Variants in SHANK2 observed in about 807,000 individuals in gnomAD.
The protein encoded by SHANK2 is SH3 and multiple ankyrin repeat domains 2.
A neutral mutation model predicts 133.7 loss-of-function variants in SHANK2; 43 were observed. The ratio of observed to expected loss-of-function variants is 0.32; its 90% CI spans 0.25 to 0.41. The LOEUF is 0.41. SHANK2 is among the 10% of genes least tolerant of loss of function. The pLI, the probability that SHANK2 is intolerant of heterozygous loss-of-function variation, is 1.00. For missense variants in SHANK2, 1,994 were observed against 2,235.8 expected (o/e 0.89, Z 2.18); for synonymous variants, 1,017 against 952.8 (o/e 1.07, Z -1.24).
intron 17 of SHANK2, among the ~76,000 whole-genome samples, chr11:70,605,294 G>A (rs1307861539): frequency 2.0e-5 from 3 of 152,256 alleles, no homozygotes; most frequent in Non-Finnish European, 4.4e-5. Context: ...AGAGTGAGAA[G>A]TGAAGCCTCC....
intron 14 of SHANK2, among the ~76,000 whole-genome samples, chr11:70,701,483 G>A (rs1039106847): frequency 1.3e-5 from 2 of 152,212 alleles, no homozygotes; most frequent in Admixed American, 6.5e-5. Flanking sequence ...CTCACTGTAA[G>A]CTCTGCCTTC....
intron 17 of SHANK2, among the ~76,000 whole-genome samples, chr11:70,599,949 AAGAAAGAAAGAAAGAAAGAAAG>A (rs797030856): frequency 4.7e-4 from 62 of 131,978 alleles, no homozygotes; most frequent in African/African-American, 8.7e-4. Context: ...GAAAGAAAGA[AAGAAAGAAAGAAAGAAAGAAAG>A]AAAATGTATC....
At chr11:70,499,582 C>T (rs187148922) in intron 21 of SHANK2, among the ~76,000 whole-genome samples, 88 of 152,340 alleles carry the variant, frequency 5.8e-4, no homozygotes, top group African/African-American at 1.9e-3. Context: ...GGGCCATTCC[C>T]GTGAGCTGGG....
At chr11:70,880,380 T>C (rs1949641206) in intron 11 of SHANK2, among the ~76,000 whole-genome samples, 1 of 151,888 alleles carries the variant, frequency 6.6e-6, no homozygotes, top group Non-Finnish European at 1.5e-5. Context: ...GTTGGGGAGA[T>C]GGATGGAGGT....
At chr11:70,622,107 G>T (rs1554998083) in intron 17 of SHANK2, among the ~76,000 whole-genome samples, 1 of 152,174 alleles carries the variant, frequency 6.6e-6, no homozygotes, top group Non-Finnish European at 1.5e-5. Context: ...CACTAGTGGG[G>T]TGGGTGAGCC....
At chr11:71,080,061 C>T in intron 8 of SHANK2, among the ~76,000 whole-genome samples, 1 of 152,156 alleles carries the variant, frequency 6.6e-6, no homozygotes, top group Non-Finnish European at 1.5e-5. Context: ...CAACACTAAC[C>T]TCCTTTTCTT....
At chr11:70,805,450 G>C (rs1555051614) in intron 13 of SHANK2, among the ~76,000 whole-genome samples, 1 of 152,208 alleles carries the variant, frequency 6.6e-6, no homozygotes, top group Non-Finnish European at 1.5e-5. Flanking sequence ...AACAAGGCCG[G>C]CATCGGCCCT....
intron 14 of SHANK2, 49 bp from the exon 15 acceptor site, chr11:70,698,812 G>A (rs782215808): frequency 1.3e-5 from 9 of 718,048 alleles, no homozygotes; most frequent in African/African-American, 3.5e-5. Context: ...CATGGTCCCC[G>A]AACGCGGAAC....
intron 17 of SHANK2, among the ~76,000 whole-genome samples, chr11:70,646,548 G>T (rs2061263885): frequency 2.0e-5 from 3 of 152,238 alleles, no homozygotes; most frequent in Admixed American, 2.0e-4. Context: ...CTATGGAGAA[G>T]CATGGGACCT....
chr11:70,826,949 C>T (rs79597341), intron 11 of SHANK2, among the ~76,000 whole-genome samples: 1 of 152,240 alleles, frequency 6.6e-6, no homozygotes, highest in Non-Finnish European at 1.5e-5. Context: ...GCGCTCCATG[C>T]GCCTGTGCCT....
At chr11:71,114,842 G>A (rs1036041183) in intron 4 of SHANK2, among the ~76,000 whole-genome samples, 1 of 152,048 alleles carries the variant, frequency 6.6e-6, no homozygotes, top group South Asian at 2.1e-4. Context: ...AAAGTCTCAG[G>A]GAATTCAATT....
intron 17 of SHANK2, among the ~76,000 whole-genome samples, chr11:70,656,771 C>G (rs189186147): frequency 2.6e-5 from 4 of 152,294 alleles, no homozygotes; most frequent in Non-Finnish European, 5.9e-5. Flanking sequence ...ATGAGACTCC[C>G]GATCTGGAGA....
chr11:70,895,128 G>A (rs1555075408), intron 11 of SHANK2, among the ~76,000 whole-genome samples: 1 of 152,236 alleles, frequency 6.6e-6, no homozygotes, highest in East Asian at 1.9e-4. Context: ...GTCAGGCGCA[G>A]CCTTTGGGAG....
At chr11:71,142,856 G>A (rs1362352372) in intron 3 of SHANK2, among the ~76,000 whole-genome samples, 3 of 150,900 alleles carry the variant, frequency 2.0e-5, no homozygotes, top group Admixed American at 6.6e-5. Context: ...AAATAAATCT[G>A]TTGGCCTCAA....
chr11:70,469,095 C>T lies in SHANK2; in HGVS notation c.*3774G>A, dbSNP rs1178067428. 6.6e-6 allele frequency: 1 copy of T among 152,274 alleles called. No individual in the cohort carries two copies. Among genetic ancestry groups the T allele is most frequent in the African/African-American group, 2.4e-5 (1 of 41,460 alleles). 9.4% of individuals were successfully genotyped at this position (152,274 alleles called of 1,614,324 possible). The stretch of plus-strand genomic sequence containing the variant: ...GGGAAGGGTCCGGATCTGGCTGGCC[C>T]TCCGCGGCACCGCTGCTTCCACCCA... On this transcript the variant is annotated 3_prime_UTR_variant, in exon 26 of 26. Transcript: ENST00000601538.
At chr11:70,945,782 A>G (rs1283425618) in intron 10 of SHANK2, among the ~76,000 whole-genome samples, 1 of 152,130 alleles carries the variant, frequency 6.6e-6, no homozygotes, top group Non-Finnish European at 1.5e-5. Flanking sequence ...AGCACCCCTG[A>G]GTGGGAGGTT....
At chr11:70,858,980 C>T (rs1391323723) in intron 11 of SHANK2, among the ~76,000 whole-genome samples, 4 of 152,244 alleles carry the variant, frequency 2.6e-5, no homozygotes, top group Non-Finnish European at 5.9e-5. Context: ...CCCTGAGTCT[C>T]ATGCTGTCCT....
intron 10 of SHANK2, among the ~76,000 whole-genome samples, chr11:70,919,262 T>C (rs1950314527): frequency 6.6e-6 from 1 of 152,144 alleles, no homozygotes; most frequent in Non-Finnish European, 1.5e-5. Flanking sequence ...ATGCTGACCA[T>C]CTTTTTGTGG....
chr11:70,887,605 TCCTGGCACTGATTG>T (rs1486534149), intron 11 of SHANK2, among the ~76,000 whole-genome samples: 1 of 152,180 alleles, frequency 6.6e-6, no homozygotes, highest in African/African-American at 2.4e-5. Flanking sequence ...GGCACTGATT[TCCTGGCACTGATTG>T]CTTCTGTGTT....
Sources: gnomAD v4.1 joint callset for allele counts (sites outside exome capture counted in the v4.1 genomes callset) on GRCh38, gnomAD v4.1.1 for gene constraint, MANE v1.5 for transcripts, NCBI Gene and HGNC (gene_info 2026-07-23, HGNC 2026-07-21) for gene names.